CDKAL1: variants seen among roughly 807,000 people sequenced by gnomAD.
The protein encoded by CDKAL1 is threonylcarbamoyladenosine tRNA methylthiotransferase.
CDKAL1 carries 32 observed loss-of-function variants against 68.2 expected under a neutral mutation model. That is an observed-to-expected ratio of 0.47 (90% CI 0.35 to 0.63). The LOEUF (loss-of-function observed/expected upper bound fraction) is 0.63. CDKAL1 is among the 30% of genes least tolerant of loss of function. CDKAL1 has a pLI of 0.00. For missense variants in CDKAL1, 606 were observed against 696.7 expected (o/e 0.87, Z 1.47); for synonymous variants, 234 against 244.3 (o/e 0.96, Z 0.39).
At chr6:20,910,194 A>G (rs1391291489) in intron 9 of CDKAL1, among the ~76,000 whole-genome samples, 1 of 152,228 alleles carries the variant, frequency 6.6e-6, no homozygotes, top group East Asian at 1.9e-4. Flanking sequence ...ATAGCTTTCC[A>G]GACATCTTCA....
intron 13 of CDKAL1, among the ~76,000 whole-genome samples, chr6:21,154,163 G>A (rs1776538677): frequency 6.6e-6 from 1 of 151,216 alleles, no homozygotes; most frequent in South Asian, 2.2e-4. Flanking sequence ...AAGAGGTTGG[G>A]AAAATGTTTT....
At chr6:21,008,064 T>C (rs1205732001) in intron 11 of CDKAL1, among the ~76,000 whole-genome samples, 15 of 152,134 alleles carry the variant, frequency 9.9e-5, no homozygotes, top group Admixed American at 9.8e-4. Flanking sequence ...TAGAAAATCA[T>C]ATAGTTAACC....
Position 21,065,110 on chromosome 6 carries a change from A to T in CDKAL1, c.1118A>T (p.Asp373Val). ...GGTTTTCCTGGAGAAACAGATCAGG[A>T]TTTTCAAGAAACAGTGAAACTTGTT... is the stretch of plus-strand genomic sequence containing the variant. Reference protein sequence around the residue: ...ICGFPGETDQDFQETVKLVEE... With the variant: ...ICGFPGETDQVFQETVKLVEE... The change falls in exon 12 of 16, where the codon GAT (aspartate) becomes GTT (valine). Residue 373 changes from aspartate (D) to valine (V), a missense_variant. Asp to Val is a radical substitution (Grantham distance 152). Transcript: ENST00000274695. 6.2e-7 allele frequency: 1 copy of T among 1,607,622 alleles called. No homozygotes were observed. Among genetic ancestry groups the T allele is most frequent in the Non-Finnish European group, 8.5e-7 (1 of 1,177,480 alleles).
At chr6:20,758,480 G>A (rs1774325712) in intron 6 of CDKAL1, 115 bp from the exon 7 acceptor site, 3 of 735,396 alleles carry the variant, frequency 4.1e-6, no homozygotes, top group Non-Finnish European at 6.7e-6. Context: ...TACATTAAAG[G>A]AAACCTGCAT....
chr6:21,039,661 C>T (rs189121836), intron 11 of CDKAL1, among the ~76,000 whole-genome samples: 2 of 152,196 alleles, frequency 1.3e-5, no homozygotes, highest in Admixed American at 6.5e-5. Flanking sequence ...TTCTAAAAGG[C>T]TTTGATTAAT....
At chr6:20,669,053 C>G (rs552532022) in intron 5 of CDKAL1, among the ~76,000 whole-genome samples, 4 of 152,158 alleles carry the variant, frequency 2.6e-5, no homozygotes, top group Non-Finnish European at 5.9e-5. Context: ...ACTTTAACAT[C>G]TAGTAACCAG....
intron 5 of CDKAL1, among the ~76,000 whole-genome samples, chr6:20,732,466 T>C (rs2150315277): frequency 6.6e-6 from 1 of 150,934 alleles, no homozygotes; most frequent in Non-Finnish European, 1.5e-5. Flanking sequence ...TTGGTATTTT[T>C]AGTAGAGATC....
intron 13 of CDKAL1, among the ~76,000 whole-genome samples, chr6:21,196,434 T>A (rs1778473022): frequency 6.6e-6 from 1 of 152,228 alleles, no homozygotes; most frequent in African/African-American, 2.4e-5. Flanking sequence ...TTGATTTTTT[T>A]AAGGGGATTA....
chr6:21,008,254 A>G (rs1454455661), intron 11 of CDKAL1, among the ~76,000 whole-genome samples: 1 of 152,172 alleles, frequency 6.6e-6, no homozygotes, highest in Non-Finnish European at 1.5e-5. Context: ...CTTGGGAGTA[A>G]TCAGCATTTG....
intron 5 of CDKAL1, among the ~76,000 whole-genome samples, chr6:20,676,628 C>G (rs1322848428): frequency 6.6e-6 from 1 of 151,362 alleles, no homozygotes; most frequent in Non-Finnish European, 1.5e-5. Flanking sequence ...GATTGCGCCA[C>G]TGCACTCCAG....
intron 11 of CDKAL1, among the ~76,000 whole-genome samples, chr6:21,011,383 CA>C (rs1300531820): frequency 8.5e-5 from 12 of 141,694 alleles, no homozygotes; most frequent in East Asian, 2.0e-4. Context: ...GACTCTGTCT[CA>C]AAAAAAAAAG....
At chr6:21,053,913 C>A (rs1292105293) in intron 11 of CDKAL1, among the ~76,000 whole-genome samples, 1 of 152,056 alleles carries the variant, frequency 6.6e-6, no homozygotes, top group Non-Finnish European at 1.5e-5. Flanking sequence ...TCTATGACTT[C>A]TCTTTTCATT....
chr6:21,074,946 T>C (rs1178840336), intron 12 of CDKAL1, among the ~76,000 whole-genome samples: 1 of 150,828 alleles, frequency 6.6e-6, no homozygotes, highest in Non-Finnish European at 1.5e-5. Flanking sequence ...GTAGTGGTGT[T>C]TTTTTTTTAA....
At chr6:20,672,974 A>G (rs1410521482) in intron 5 of CDKAL1, among the ~76,000 whole-genome samples, 1 of 151,792 alleles carries the variant, frequency 6.6e-6, no homozygotes, top group Non-Finnish European at 1.5e-5. Flanking sequence ...ATGGGGTTTC[A>G]CCATGTTGGC....
intron 13 of CDKAL1, among the ~76,000 whole-genome samples, chr6:21,186,417 A>G (rs1034068889): frequency 2.0e-5 from 3 of 152,190 alleles, no homozygotes; most frequent in Non-Finnish European, 4.4e-5. Context: ...GAATTTTTTG[A>G]TAATGATTAC....
intron 8 of CDKAL1, among the ~76,000 whole-genome samples, chr6:20,797,727 C>T (rs1291406464): frequency 6.6e-6 from 1 of 150,842 alleles, no homozygotes; most frequent in Non-Finnish European, 1.5e-5. Context: ...TGAAATAAGC[C>T]AATCACTAAA....
At chr6:21,204,424 C>A (rs1778818392) in intron 15 of CDKAL1, among the ~76,000 whole-genome samples, 1 of 152,064 alleles carries the variant, frequency 6.6e-6, no homozygotes, top group Non-Finnish European at 1.5e-5. Context: ...CTAGTAAATA[C>A]CTCTAAAAGA....
At chr6:20,656,505 T>C (rs894331147) in intron 5 of CDKAL1, among the ~76,000 whole-genome samples, 6 of 151,852 alleles carry the variant, frequency 4.0e-5, no homozygotes, top group African/African-American at 1.5e-4. Flanking sequence ...ATGAGAAGCC[T>C]GTGATTGTCT....
chr6:20,715,281 TAA>T (rs1772036615), intron 5 of CDKAL1, among the ~76,000 whole-genome samples: 1 of 152,156 alleles, frequency 6.6e-6, no homozygotes, highest in African/African-American at 2.4e-5. Flanking sequence ...CCCACCTTTT[TAA>T]AAAAGATTCC....
Sources: gnomAD v4.1 joint callset for allele counts (sites outside exome capture counted in the v4.1 genomes callset) on GRCh38, gnomAD v4.1.1 for gene constraint, MANE v1.5 for transcripts, NCBI Gene and HGNC (gene_info 2026-07-23, HGNC 2026-07-21) for gene names.